MGRN1: variants seen among roughly 807,000 people sequenced by gnomAD.
The protein encoded by MGRN1 is E3 ubiquitin-protein ligase MGRN1.
MGRN1 carries 29 observed loss-of-function variants against 69.2 expected under a neutral mutation model. The observed-to-expected ratio is 0.42, with a 90% CI of 0.31 to 0.57. The LOEUF is 0.57. MGRN1 is among the 20% of genes least tolerant of loss of function. MGRN1 has a pLI of 0.15. For synonymous variants in MGRN1, 470 were observed against 344.2 expected (o/e 1.37, Z -4.04); for missense variants, 998 against 796.2 (o/e 1.25, Z -3.05).
intron 1 of MGRN1, among the ~76,000 whole-genome samples, chr16:4,648,638 C>T (rs1313623214): frequency 9.2e-6 from 1 of 108,880 alleles, no homozygotes. Context: ...GGACTCTTCC[C>T]GTGGTCACCC....
chr16:4,686,156 C>A, intron 16 of MGRN1: 1 of 1,335,582 alleles, frequency 7.5e-7, no homozygotes, highest in Non-Finnish European at 1.0e-6. Flanking sequence ...TGTTTCTAGA[C>A]GGCCTCGACC....
chr16:4,666,484 T>G (rs759871505), intron 7 of MGRN1, among the ~76,000 whole-genome samples: 2 of 152,194 alleles, frequency 1.3e-5, no homozygotes, highest in Non-Finnish European at 2.9e-5. Context: ...CATTGTAGAC[T>G]GAGGCCAGCC....
At chr16:4,642,579 C>T (rs1034586539) in intron 1 of MGRN1, among the ~76,000 whole-genome samples, 4 of 151,996 alleles carry the variant, frequency 2.6e-5, no homozygotes, top group African/African-American at 9.7e-5. Context: ...CCGCCTCGGC[C>T]TCCCAAAGTG....
chr16:4,645,939 AGAAAT>A (rs1452859274), intron 1 of MGRN1, among the ~76,000 whole-genome samples: 1 of 152,216 alleles, frequency 6.6e-6, no homozygotes, highest in African/African-American at 2.4e-5. Flanking sequence ...CTGTGGTTGT[AGAAAT>A]GAAATCGAAT....
intron 10 of MGRN1, among the ~76,000 whole-genome samples, chr16:4,676,492 T>C (rs1023500274): frequency 3.9e-5 from 6 of 152,136 alleles, no homozygotes; most frequent in African/African-American, 1.4e-4. Context: ...AGACTGGAGT[T>C]CAGAGCTCCC....
intron 12 of MGRN1, 96 bp from the exon 13 acceptor site, chr16:4,681,454 C>G (rs2079180477): frequency 8.1e-7 from 1 of 1,231,658 alleles, no homozygotes; most frequent in Non-Finnish European, 1.1e-6. Context: ...GTCTCAATCC[C>G]CCAAAGAACA....
intron 5 of MGRN1, among the ~76,000 whole-genome samples, chr16:4,661,012 C>T (rs780817338): frequency 3.9e-5 from 6 of 152,168 alleles, no homozygotes; most frequent in Non-Finnish European, 7.3e-5. Context: ...GACAGGGGCT[C>T]ACTCTGTCTC....
chr16:4,677,941 C>T (rs894984950), intron 11 of MGRN1, among the ~76,000 whole-genome samples: 2 of 151,800 alleles, frequency 1.3e-5, no homozygotes, highest in Non-Finnish European at 2.9e-5. Flanking sequence ...CTCGACCTCC[C>T]GCCTCAAGCA....
intron 9 of MGRN1, among the ~76,000 whole-genome samples, chr16:4,672,024 G>T (rs558789355): frequency 6.6e-6 from 1 of 152,182 alleles, no homozygotes; most frequent in Non-Finnish European, 1.5e-5. Flanking sequence ...TCCTGCCTCA[G>T]CCTCCTGAGT....
chr16:4,683,756 G>C lies in MGRN1; in HGVS notation c.1529-87G>C, dbSNP rs911743935. On this transcript the variant is annotated intron_variant, in intron 15 of 16. Coordinates refer to ENST00000262370, the MANE Select transcript of MGRN1 (RefSeq NM_015246.4). ...TCCCCACAGTGGCTACAGAGCCCTTGGGTAAGAGAGACGGCCTCCTGCCCA... is the reference window on the plus strand; with the variant it reads ...TCCCCACAGTGGCTACAGAGCCCTTCGGTAAGAGAGACGGCCTCCTGCCCA... 4 of 1,193,672 alleles carry C rather than the reference G, an allele frequency of 3.4e-6. No individual in the cohort carries two copies. The African/African-American group carries it at 4.5e-5, about 13-fold the overall frequency. The allele number at this position is 1,193,672 out of a possible 1,614,324, so 73.9% of individuals were successfully genotyped here. A position where few individuals can be genotyped will look rare whatever the true frequency, so the allele number is the denominator to read the frequency against.
intron 13 of MGRN1, 44 bp from the exon 14 acceptor site, chr16:4,682,779 G>A: frequency 1.3e-6 from 2 of 1,482,166 alleles, no homozygotes; most frequent in Non-Finnish European, 1.8e-6. Context: ...AGCCTTCCTT[G>A]TCGTTATCCT....
intron 5 of MGRN1, among the ~76,000 whole-genome samples, chr16:4,661,419 C>A (rs1261568005): frequency 6.6e-6 from 1 of 152,374 alleles, no homozygotes; most frequent in East Asian, 1.9e-4. Flanking sequence ...GCTCCTGTTG[C>A]CTGGACACAC....
chr16:4,673,632 C>T lies in MGRN1; in HGVS notation c.930C>T (p.Ala310=), dbSNP rs757704642. Residue 310 remains alanine (A), a synonymous_variant, in exon 10 of 17, where the codon GCC becomes GCT. Coordinates refer to ENST00000262370, the MANE Select transcript of MGRN1 (RefSeq NM_015246.4). ...TSCADTLRYQ[A]NNCPICRLPF... ...GCGCCGACACGCTGCGCTACCAGGC[C>T]AACAACTGCCCCATCTGCCGGCTGC... 3.0e-5 allele frequency: 48 copies of T among 1,613,440 alleles called. No homozygotes were observed. Among genetic ancestry groups the T allele is most frequent in the Non-Finnish European group, 3.6e-5 (43 of 1,179,838 alleles).
At chr16:4,687,214 C>CG in intron 16 of MGRN1, 2 of 985,274 alleles carry the variant, frequency 2.0e-6, no homozygotes, top group Non-Finnish European at 2.4e-6. Context: ...CCATCCCCCC[C>CG]AAGAGGCGCC....
intron 1 of MGRN1, among the ~76,000 whole-genome samples, chr16:4,647,463 T>G (rs935106094): frequency 6.6e-6 from 1 of 152,200 alleles, no homozygotes; most frequent in African/African-American, 2.4e-5. Context: ...GCAGGTGTTC[T>G]TTCTTTCTTT....
intron 1 of MGRN1, among the ~76,000 whole-genome samples, chr16:4,643,313 C>G (rs578065056): frequency 4.0e-5 from 6 of 151,766 alleles, no homozygotes; most frequent in African/African-American, 1.4e-4. Flanking sequence ...CCAGGCAGGT[C>G]TCGAACTGCT....
At chr16:4,675,203 C>G (rs769800386) in intron 10 of MGRN1, among the ~76,000 whole-genome samples, 1 of 151,374 alleles carries the variant, frequency 6.6e-6, no homozygotes, top group Non-Finnish European at 1.5e-5. Flanking sequence ...AAGCTCCTGA[C>G]CTCAAGTGAT....
At chr16:4,637,214 C>G (rs1330770581) in intron 1 of MGRN1, among the ~76,000 whole-genome samples, 1 of 150,852 alleles carries the variant, frequency 6.6e-6, no homozygotes, top group African/African-American at 2.4e-5. Context: ...CAGATCACCT[C>G]AGGTCAGGAG....
intron 16 of MGRN1, chr16:4,688,321 T>C (rs1365265174): frequency 1.7e-5 from 17 of 987,726 alleles, no homozygotes; most frequent in Non-Finnish European, 2.0e-5. Context: ...GCTCCTCTCT[T>C]TGCCTTGCAG....
Sources: allele counts gnomAD v4.1 joint callset (sites outside exome capture counted in the v4.1 genomes callset), GRCh38; gene constraint gnomAD v4.1.1; transcripts MANE v1.5; gene names NCBI Gene and HGNC (gene_info 2026-07-23, HGNC 2026-07-21).